The following CLDN18 variants were observed in gnomAD, a reference collection of about 807,000 sequenced individuals.
CLDN18 encodes claudin 18.
CLDN18 carries 20 observed loss-of-function variants against 25.0 expected under a neutral mutation model. The observed-to-expected ratio is 0.80, with a 90% CI of 0.56 to 1.16. The LOEUF (loss-of-function observed/expected upper bound fraction) is 1.16, where lower values mean the gene tolerates loss of function less well. Ranked by LOEUF, CLDN18 falls within the 50% of genes most tolerant of loss-of-function variation. CLDN18 has a pLI of 0.00. For synonymous variants in CLDN18, 125 were observed against 135.6 expected, an observed-to-expected ratio of 0.92 and a Z score of 0.54; for missense variants, 297 against 345.4, an observed-to-expected ratio of 0.86 and a Z score of 1.11.
Position 138,032,336 on chromosome 3 carries a change from G to C in CLDN18, c.*1195G>C, listed in dbSNP as rs1942407365. The C allele has an allele frequency of 6.6e-6, 1 of 152,142 alleles. No individual in the cohort carries two copies. Among genetic ancestry groups the C allele is most frequent in the Non-Finnish European group, 1.5e-5 (1 of 68,152 alleles). 9.4% of individuals were successfully genotyped at this position (152,142 alleles called of 1,614,324 possible). A position where few individuals can be genotyped will look rare whatever the true frequency, so the allele number is the denominator to read the frequency against. On this transcript the variant is annotated 3_prime_UTR_variant, in exon 5 of 5. Coordinates refer to ENST00000183605, the MANE Select transcript of CLDN18 (RefSeq NM_016369.4). ...GCATTCCGGGAGGCTGAGGTGGGAG[G>C]ATCACTTGAGCCCAGGGAGGTTGGG...
chr3:138,023,900 C>T, intron 2 of CLDN18, 78 bp downstream of exon 2: 1 of 1,413,058 alleles, frequency 7.1e-7, no homozygotes, highest in East Asian at 2.3e-5. Context: ...ATGACTCCTC[C>T]CTACTGCTGA....
At position 138,023,813 on chromosome 3, in the gene CLDN18, A is replaced by G. The variant is rs1314652651; in HGVS notation, c.376A>G (p.Ile126Val). 2 of 1,612,526 alleles carry G rather than the reference A, an allele frequency of 1.2e-6. No individual in the cohort carries two copies. The highest frequency in any genetic ancestry group is 1.7e-5 in the Admixed American group (1 of 59,930). Reference sequence around the variant, plus strand: ...GACACTGACCTCCGGGATCATGTTCATTGTCTCAGGTAAACACAGAGCCTG... The same window carrying G: ...GACACTGACCTCCGGGATCATGTTCGTTGTCTCAGGTAAACACAGAGCCTG... ...NMTLTSGIMFIVSGLCAIAGV... is the reference protein window; with the variant it reads ...NMTLTSGIMFVVSGLCAIAGV... Residue 126 changes from isoleucine (I) to valine (V), a missense_variant, in exon 2 of 5, where the codon ATT becomes GTT. Coordinates refer to ENST00000183605, the MANE Select transcript of CLDN18 (RefSeq NM_016369.4).
At chr3:138,030,440 C>T (rs1942377451) in intron 4 of CLDN18, among the ~76,000 whole-genome samples, 1 of 152,218 alleles carries the variant, frequency 6.6e-6, no homozygotes, top group South Asian at 2.1e-4. Context: ...CAGTGTGGTT[C>T]TGCTACTGAC....
chr3:137,999,368 C>T (rs984723019), intron 1 of CLDN18, among the ~76,000 whole-genome samples: 1 of 152,158 alleles, frequency 6.6e-6, no homozygotes, highest in African/African-American at 2.4e-5. Context: ...TGAGCAATGG[C>T]ATAGTCTCAA....
chr3:138,031,135 T>C lies in CLDN18; in HGVS notation c.780T>C (p.Tyr260=), dbSNP rs1314024138. Reference sequence around the variant, plus strand: ...AATCTTATCCTTCCAAGCACGACTATGTGTAATGCTCTAAGACCTCTCAGC... The same window carrying C: ...AATCTTATCCTTCCAAGCACGACTACGTGTAATGCTCTAAGACCTCTCAGC... ...EVQSYPSKHD[Y]V Residue 260 remains tyrosine, a synonymous_variant, in exon 5 of 5, where the codon TAT becomes TAC. Coordinates refer to ENST00000183605, the MANE Select transcript of CLDN18 (RefSeq NM_016369.4). 1 of 1,612,838 alleles carries C rather than the reference T, an allele frequency of 6.2e-7. No individual in the cohort carries two copies. The highest frequency in any genetic ancestry group is 1.3e-5 in the African/African-American group (1 of 74,872).
upstream of CLDN18, among the ~76,000 whole-genome samples, chr3:138,007,538 T>G (rs1176500489): frequency 2.3e-4 from 16 of 71,068 alleles, no homozygotes; most frequent in Non-Finnish European, 3.9e-4. Flanking sequence ...TACTGGGGCC[T>G]GTCGGGGGTC....
At chr3:138,027,610 C>T (rs1303099696) in intron 3 of CLDN18, among the ~76,000 whole-genome samples, 1 of 152,140 alleles carries the variant, frequency 6.6e-6, no homozygotes, top group African/African-American at 2.4e-5. Flanking sequence ...ATCACAGTGG[C>T]TATTGGGAGA....
rs1188519031 is a variant in CLDN18 at position 138,010,165 on chromosome 3, A to C, written c.-61A>C. 3 of 1,578,518 alleles carry C rather than the reference A, an allele frequency of 1.9e-6. No homozygotes were observed. The highest frequency in any genetic ancestry group is 2.6e-6 in the Non-Finnish European group (3 of 1,162,680). ...CTCCCCTCAGGAGCGCGTTAGCTTC[A>C]CACCTTCGGCAGCAGGAGGGCGGCA... On this transcript the variant is annotated 5_prime_UTR_variant, in exon 1 of 5. Transcript: ENST00000183605.
At chr3:138,024,887 A>G (rs1046591394) in intron 3 of CLDN18, among the ~76,000 whole-genome samples, 163 bp downstream of exon 3, 3 of 152,170 alleles carry the variant, frequency 2.0e-5, no homozygotes, top group Non-Finnish European at 4.4e-5. Flanking sequence ...AAATTCATAA[A>G]CTTCATTTCA....
At chr3:138,007,922 T>C (rs998566745), upstream of CLDN18, among the ~76,000 whole-genome samples, 1 of 152,126 alleles carries the variant, frequency 6.6e-6, no homozygotes, top group Non-Finnish European at 1.5e-5. Context: ...GCCATCAACA[T>C]TCCTTCACTG....
At chr3:138,008,831 C>T (rs1447154883), upstream of CLDN18, among the ~76,000 whole-genome samples, 4 of 152,008 alleles carry the variant, frequency 2.6e-5, no homozygotes, top group Admixed American at 1.3e-4. Context: ...GAGGCTGAGG[C>T]ATGAGAATTG....
rs370080455 is a variant in CLDN18 at position 138,017,339 on chromosome 3, AT to A, written c.221-6310del. ...CCCTTTGCAGGCACTGAGGGTCTTG[AT>A]TTTTTTTTATATGACTATCTACATT... On this transcript the variant is annotated intron_variant, in intron 1 of 4. Coordinates refer to ENST00000183605, the MANE Select transcript of CLDN18 (RefSeq NM_016369.4). 2.0e-5 allele frequency among the ~76,000 whole-genome samples: 3 copies of A among 151,380 alleles called. 1 individual carries two copies. Among genetic ancestry groups the A allele is most frequent in the African/African-American group, 7.3e-5 (3 of 41,192 alleles).
intron 3 of CLDN18, among the ~76,000 whole-genome samples, chr3:138,028,166 G>A (rs1942348788): frequency 6.6e-6 from 1 of 151,954 alleles, no homozygotes; most frequent in Non-Finnish European, 1.5e-5. Flanking sequence ...CTGGGTTCAA[G>A]CAATTCTCCT....
At chr3:138,021,126 G>A (rs538149590) in intron 1 of CLDN18, among the ~76,000 whole-genome samples, 1 of 152,194 alleles carries the variant, frequency 6.6e-6, no homozygotes, top group Non-Finnish European at 1.5e-5. Flanking sequence ...TTCCTTACTA[G>A]CTTTCACTAA....
At chr3:138,007,314 T>C (rs891734341), upstream of CLDN18, among the ~76,000 whole-genome samples, 3 of 152,208 alleles carry the variant, frequency 2.0e-5, no homozygotes, top group Admixed American at 6.5e-5. Context: ...CCATCAATGA[T>C]AGACTGGATA....
intron 1 of CLDN18, chr3:138,004,867 T>G (rs1455690144): frequency 6.6e-6 from 1 of 151,814 alleles, no homozygotes; most frequent in Non-Finnish European, 1.5e-5. Context: ...AGCATAGAAA[T>G]AGTGGAAGAA....
intron 1 of CLDN18, among the ~76,000 whole-genome samples, chr3:138,000,286 C>G (rs2107872788): frequency 6.6e-6 from 1 of 152,212 alleles, no homozygotes; most frequent in South Asian, 2.1e-4. Flanking sequence ...GAGGGTGAAA[C>G]TGCAAGACTC....
intron 1 of CLDN18, among the ~76,000 whole-genome samples, chr3:138,002,283 CT>C (rs1228416816): frequency 1.3e-5 from 2 of 152,016 alleles, no homozygotes; most frequent in Admixed American, 6.6e-5. Context: ...TCTTAACCCA[CT>C]TATTTCTAGA....
At position 138,032,455 on chromosome 3, in the gene CLDN18, C is replaced by A. The variant is rs1168063031; in HGVS notation, c.*1314C>A. On this transcript the variant is annotated 3_prime_UTR_variant, in exon 5 of 5. Coordinates refer to ENST00000183605, the MANE Select transcript of CLDN18 (RefSeq NM_016369.4). The stretch of plus-strand genomic sequence containing the variant: ...ATAAAAAATAAATAATGGAACACAG[C>A]AAGTCCTAGGAAGTAGGTTAAAACT... 6.6e-6 allele frequency: 1 copy of A among 150,822 alleles called. No individual in the cohort carries two copies. Among genetic ancestry groups the A allele is most frequent in the African/African-American group, 2.4e-5 (1 of 40,990 alleles). 9.3% of individuals were successfully genotyped at this position (150,822 alleles called of 1,614,324 possible).
Sources: allele counts gnomAD v4.1 joint callset (sites outside exome capture counted in the v4.1 genomes callset), GRCh38; gene constraint gnomAD v4.1.1; transcripts MANE v1.5; gene names NCBI Gene and HGNC (gene_info 2026-07-23, HGNC 2026-07-21).